The following DAB2IP variants were observed in gnomAD, a reference collection of about 807,000 sequenced individuals.
DAB2IP encodes DAB2 interacting protein.
DAB2IP carries 28 observed loss-of-function variants against 107.2 expected under a neutral mutation model. The observed-to-expected ratio is 0.26, with a 90% confidence interval of 0.19 to 0.36. The LOEUF (loss-of-function observed/expected upper bound fraction) is 0.36, where lower values mean the gene tolerates loss of function less well. Among genes scored for constraint, DAB2IP ranks in the 10% least tolerant of loss-of-function variants. The pLI is 1.00. For missense variants in DAB2IP, 1,400 were observed against 1,644.7 expected (o/e 0.85, Z 2.57); for synonymous variants, 755 against 706.4 (o/e 1.07, Z -1.09).
chr9:121,717,751 C>T (rs1195275164), intron 3 of DAB2IP, among the ~76,000 whole-genome samples: 1 of 152,224 alleles, frequency 6.6e-6, no homozygotes, highest in Non-Finnish European at 1.5e-5. Flanking sequence ...CTCCTTTGAG[C>T]ACCACCTCCC....
chr9:121,782,779 AAT>A lies in DAB2IP; in HGVS notation c.*284_*285del. The A allele has an allele frequency of 7.8e-7, 1 of 1,288,092 alleles. No individual in the cohort carries two copies. The highest frequency in any genetic ancestry group is 9.9e-7 in the Non-Finnish European group (1 of 1,013,140). 79.8% of individuals were successfully genotyped at this position (1,288,092 alleles called of 1,614,324 possible). Reference sequence around the variant, plus strand: ...CTGATGGGGCAGGGGGCCTGCCAAAAATATGTCTGTTGGTTCCTGAATGTGGT... The same window carrying A: ...CTGATGGGGCAGGGGGCCTGCCAAAAATGTCTGTTGGTTCCTGAATGTGGT... On this transcript the variant is annotated 3_prime_UTR_variant, in exon 16 of 16. Coordinates refer to ENST00000408936, the Ensembl canonical transcript of DAB2IP. The surrounding 1 kb of genome is among the most constrained non-coding windows in gnomAD (Gnocchi z 6.1).
At chr9:121,682,597 A>G (rs1828653541) in intron 2 of DAB2IP, among the ~76,000 whole-genome samples, 1 of 152,208 alleles carries the variant, frequency 6.6e-6, no homozygotes, top group Admixed American at 6.5e-5. Context: ...GCTCAGTGCT[A>G]GTCCTGCCCC....
chr9:121,731,620 C>T (rs1205092951), intron 3 of DAB2IP, among the ~76,000 whole-genome samples: 1 of 152,188 alleles, frequency 6.6e-6, no homozygotes, highest in Non-Finnish European at 1.5e-5. Flanking sequence ...TGGGCTTGCC[C>T]CAAGAATGGA....
intron 1 of DAB2IP, among the ~76,000 whole-genome samples, chr9:121,569,782 C>T (rs187313791): frequency 6.6e-6 from 1 of 152,354 alleles, no homozygotes; most frequent in Admixed American, 6.5e-5. Flanking sequence ...GATCACGCTG[C>T]TGCACTCCAG....
chr9:121,668,973 T>C (rs1031001088), intron 1 of DAB2IP, among the ~76,000 whole-genome samples: 1 of 140,852 alleles, frequency 7.1e-6, no homozygotes, highest in Admixed American at 8.0e-5. Context: ...TGGAGTTCAG[T>C]GGTGGGATCT....
chr9:121,587,666 C>T (rs1368006077), intron 1 of DAB2IP, among the ~76,000 whole-genome samples: 1 of 146,516 alleles, frequency 6.8e-6, no homozygotes, highest in African/African-American at 2.5e-5. Flanking sequence ...GGTCAAGAAA[C>T]AGAGGGCCTC....
intron 1 of DAB2IP, among the ~76,000 whole-genome samples, chr9:121,669,799 G>A (rs1043604320): frequency 5.9e-5 from 9 of 152,162 alleles, no homozygotes; most frequent in Admixed American, 5.2e-4. Flanking sequence ...CTTCATCATG[G>A]CCTCAGAGTA....
chr9:121,596,063 G>A (rs945776524), intron 1 of DAB2IP, among the ~76,000 whole-genome samples: 1 of 152,164 alleles, frequency 6.6e-6, no homozygotes, highest in African/African-American at 2.4e-5. Context: ...GCTCATGCCT[G>A]TAATCCCAGC....
rs922966944 is a variant in DAB2IP, at chr9:121,633,388, C to G, written c.41-45290C>G. Among the ~76,000 whole-genome samples the G allele has an allele frequency of 2.6e-5, 4 of 152,094 alleles. No individual in the cohort carries two copies. Among genetic ancestry groups the G allele is most frequent in the African/African-American group, 7.2e-5 (3 of 41,422 alleles). ...TGTCTTTGCCCACTGACCCCACCCC[C>G]CCTACCAAACCACCTCTGCTGCAAA... On this transcript the variant is annotated intron_variant, in intron 1 of 16. Transcript: ENST00000259371. This position sits in a 1 kb window ranked among gnomAD's most constrained non-coding sequence, Gnocchi z 5.1.
chr9:121,731,446 C>T (rs537109654), intron 3 of DAB2IP, among the ~76,000 whole-genome samples: 1 of 152,332 alleles, frequency 6.6e-6, no homozygotes, highest in East Asian at 1.9e-4. Context: ...GCAGAGGCTG[C>T]CCCTCTGCCC....
exon 16 of DAB2IP, chr9:121,783,753 A>G: frequency 1.5e-6 from 1 of 675,356 alleles, no homozygotes; most frequent in Non-Finnish European, 2.5e-6. Context: ...CATACAGGGG[A>G]GGGGCGCACC....
chr9:121,632,839 T>C (rs533038720), intron 1 of DAB2IP, among the ~76,000 whole-genome samples: 19 of 152,282 alleles, frequency 1.2e-4, no homozygotes. Context: ...AGGAATGCGG[T>C]GGGCAAGGTG....
chr9:121,617,849 G>C (rs979595382), intron 1 of DAB2IP, among the ~76,000 whole-genome samples: 1 of 152,242 alleles, frequency 6.6e-6, no homozygotes, highest in Non-Finnish European at 1.5e-5. Context: ...CCCAGTGGAA[G>C]AGCGGGGTGC....
At chr9:121,747,991 C>T (rs531426589) in intron 3 of DAB2IP, among the ~76,000 whole-genome samples, 1 of 152,154 alleles carries the variant, frequency 6.6e-6, no homozygotes, top group Admixed American at 6.5e-5. Context: ...CATTCAGGAG[C>T]CAGTACCAGC....
chr9:121,568,041 G>A (rs1029324905), intron 1 of DAB2IP, among the ~76,000 whole-genome samples: 1 of 152,162 alleles, frequency 6.6e-6, no homozygotes, highest in Non-Finnish European at 1.5e-5. Context: ...GACTCAGCAG[G>A]GAGAAGTCCT....
chr9:121,651,607 G>T lies in DAB2IP; in HGVS notation c.-169G>T. 9.9e-7 allele frequency: 1 copy of T among 1,009,500 alleles called. No homozygotes were observed. Among genetic ancestry groups the T allele is most frequent in the Non-Finnish European group, 1.2e-6 (1 of 837,354 alleles). The allele number at this position is 1,009,500 out of a possible 1,614,324, so 62.5% of individuals were successfully genotyped here. A position where few individuals can be genotyped will look rare whatever the true frequency, so the allele number is the denominator to read the frequency against. ...GCCGGCTGCTCGGGGAGCGGGAGGG[G>T]GCAGGAGGCGGAGGAGGAGTTTGAG... On this transcript the variant is annotated 5_prime_UTR_variant, in exon 1 of 16. Coordinates refer to ENST00000408936, the Ensembl canonical transcript of DAB2IP. This position sits in a 1 kb window ranked among gnomAD's most constrained non-coding sequence, Gnocchi z 5.1.
At chr9:121,641,949 C>CTCT (rs1293278349) in intron 1 of DAB2IP, among the ~76,000 whole-genome samples, 28 of 64,034 alleles carry the variant, frequency 4.4e-4, no homozygotes, top group East Asian at 2.3e-3. Flanking sequence ...CTCTTTCTTT[C>CTCT]CTTTCTTTCT....
chr9:121,594,186 C>T (rs377634968), intron 1 of DAB2IP, among the ~76,000 whole-genome samples: 3 of 151,708 alleles, frequency 2.0e-5, no homozygotes, highest in Non-Finnish European at 4.4e-5. Flanking sequence ...TAGTAGCATG[C>T]TCTAGGTCAC....
exon 1 of DAB2IP, chr9:121,567,162 G>A: frequency 6.2e-7 from 1 of 1,614,018 alleles, no homozygotes; most frequent in East Asian, 2.2e-5. Flanking sequence ...AAATCAGGTG[G>A]GGCCAGGGGC....
Sources: gnomAD v4.1 joint callset for allele counts (sites outside exome capture counted in the v4.1 genomes callset) on GRCh38, gnomAD v4.1.1 for gene constraint, Gnocchi (gnomAD v3.1) non-coding constraint, MANE v1.5 for transcripts, NCBI Gene and HGNC (gene_info 2026-07-23, HGNC 2026-07-21) for gene names.